Variants in ELMO1 observed in about 807,000 individuals in gnomAD.
ELMO1 encodes the protein engulfment and cell motility protein 1.
A neutral mutation model predicts 98.9 loss-of-function variants in ELMO1; 26 were observed. That is an observed-to-expected ratio of 0.26 (90% confidence interval 0.19 to 0.36). ELMO1 has a LOEUF of 0.36. ELMO1 is among the 10% of genes least tolerant of loss of function. The pLI is 1.00. For missense variants in ELMO1, 627 were observed against 935.2 expected, an observed-to-expected ratio of 0.67 and a Z score of 4.30; for synonymous variants, 346 against 346.0, an observed-to-expected ratio of 1.00 and a Z score of 0.00.
At chr7:37,047,118 C>T (rs575201704) in intron 15 of ELMO1, among the ~76,000 whole-genome samples, 1 of 152,304 alleles carries the variant, frequency 6.6e-6, no homozygotes, top group East Asian at 1.9e-4. Flanking sequence ...AAGAGCTGAA[C>T]CAAAATGAAT....
intron 1 of ELMO1, among the ~76,000 whole-genome samples, chr7:37,420,653 C>T (rs2131530876): frequency 6.6e-6 from 1 of 152,332 alleles, no homozygotes; most frequent in African/African-American, 2.4e-5. Flanking sequence ...CGTGTAACTC[C>T]ACTGACCACT....
chr7:37,026,921 A>G (rs1168403389), intron 15 of ELMO1, among the ~76,000 whole-genome samples: 1 of 151,782 alleles, frequency 6.6e-6, no homozygotes, highest in Non-Finnish European at 1.5e-5. Flanking sequence ...ACATGACTGC[A>G]CTCCCTTCCT....
chr7:37,236,338 C>A (rs950024738), intron 7 of ELMO1, among the ~76,000 whole-genome samples: 1 of 152,278 alleles, frequency 6.6e-6, no homozygotes, highest in South Asian at 2.1e-4. Context: ...TAAGGAGGTG[C>A]AGCACCATTT....
chr7:37,407,529 T>C (rs567057046), intron 1 of ELMO1, among the ~76,000 whole-genome samples: 1 of 146,642 alleles, frequency 6.8e-6, no homozygotes, highest in African/African-American at 2.5e-5. Flanking sequence ...AAAAAGAACA[T>C]GGATGAATCT....
intron 6 of ELMO1, 132 bp downstream of exon 6, chr7:37,259,049 A>C (rs1795841199): frequency 5.5e-6 from 6 of 1,092,810 alleles, no homozygotes; most frequent in Non-Finnish European, 7.4e-6. Context: ...CTATCTTAAA[A>C]ACTATTTTTT....
At chr7:36,958,032 A>G (rs1423412115) in intron 16 of ELMO1, among the ~76,000 whole-genome samples, 1 of 152,188 alleles carries the variant, frequency 6.6e-6, no homozygotes, top group Non-Finnish European at 1.5e-5. Flanking sequence ...GGCTCCAATC[A>G]GTTGCAACCT....
At chr7:37,276,223 A>G (rs1273718074) in intron 4 of ELMO1, among the ~76,000 whole-genome samples, 1 of 152,202 alleles carries the variant, frequency 6.6e-6, no homozygotes, top group East Asian at 1.9e-4. Context: ...TAAAGTCCTT[A>G]AAACAGCCTG....
At chr7:37,395,747 G>A (rs1363973473) in intron 1 of ELMO1, among the ~76,000 whole-genome samples, 1 of 151,916 alleles carries the variant, frequency 6.6e-6, no homozygotes, top group Non-Finnish European at 1.5e-5. Context: ...AAGCACCTCT[G>A]TTACTTCTTA....
At chr7:37,343,010 C>T (rs760310646) in intron 1 of ELMO1, 39 of 292,958 alleles carry the variant, frequency 1.3e-4, no homozygotes, top group Non-Finnish European at 1.1e-4. Flanking sequence ...CTGTGGGGCA[C>T]GGCTTGCGCG....
chr7:37,164,342 T>TTAGATC (rs1402041097), intron 13 of ELMO1, among the ~76,000 whole-genome samples: 19 of 152,110 alleles, frequency 1.2e-4, no homozygotes, highest in Non-Finnish European at 2.5e-4. Context: ...TTTAGTTTAA[T>TTAGATC]TAGATCCCAT....
chr7:37,026,657 T>G (rs889113391), intron 15 of ELMO1, among the ~76,000 whole-genome samples: 1 of 152,190 alleles, frequency 6.6e-6, no homozygotes, highest in Non-Finnish European at 1.5e-5. Flanking sequence ...CCACCCCTGA[T>G]TGCATTTCCA....
rs1793910716 is a variant in ELMO1, at chr7:37,227,041, G to A, written c.550-2011C>T. ...AAAAAAGCCAAAAATTAAAAAGGGGGATTATCAATCTCATTGTCTTCCTAC... is the reference window on the plus strand; with the variant it reads ...AAAAAAGCCAAAAATTAAAAAGGGGAATTATCAATCTCATTGTCTTCCTAC... On this transcript the variant is annotated intron_variant, in intron 8 of 21. Coordinates refer to ENST00000310758, the MANE Select transcript of ELMO1 (RefSeq NM_014800.11). Among the ~76,000 whole-genome samples, 3 of 152,144 alleles carry A rather than the reference G, an allele frequency of 2.0e-5. No homozygotes were observed. In the South Asian group the frequency reaches 6.2e-4, roughly 32 times the overall value.
chr7:36,926,275 G>A (rs1374680203), intron 16 of ELMO1, among the ~76,000 whole-genome samples: 2 of 152,214 alleles, frequency 1.3e-5, no homozygotes, highest in African/African-American at 4.8e-5. Flanking sequence ...TTGTTTTGCA[G>A]GTGAAGAACC....
chr7:37,390,566 G>A (rs1209572455), intron 1 of ELMO1, among the ~76,000 whole-genome samples: 1 of 152,108 alleles, frequency 6.6e-6, no homozygotes, highest in Non-Finnish European at 1.5e-5. Flanking sequence ...AATAGCATGT[G>A]TTTCCAGTAA....
chr7:37,241,949 T>C (rs1314959236), intron 7 of ELMO1, among the ~76,000 whole-genome samples: 1 of 152,206 alleles, frequency 6.6e-6, no homozygotes, highest in African/African-American at 2.4e-5. Context: ...TAGTTTCTGT[T>C]GTTCTTCATA....
At chr7:37,130,642 T>G (rs1296978055) in intron 14 of ELMO1, among the ~76,000 whole-genome samples, 1 of 152,074 alleles carries the variant, frequency 6.6e-6, no homozygotes, top group Non-Finnish European at 1.5e-5. Context: ...GGCAGGCAAG[T>G]TGAACACAGG....
chr7:37,433,229 C>T (rs1309765420), intron 1 of ELMO1, among the ~76,000 whole-genome samples: 1 of 152,208 alleles, frequency 6.6e-6, no homozygotes, highest in Non-Finnish European at 1.5e-5. Context: ...ACACAGTGCT[C>T]ACATACATGG....
intron 16 of ELMO1, among the ~76,000 whole-genome samples, chr7:36,976,914 T>G (rs906558593): frequency 6.6e-6 from 1 of 152,226 alleles, no homozygotes; most frequent in Non-Finnish European, 1.5e-5. Flanking sequence ...GCTATAGATC[T>G]ACCTACAGTT....
chr7:37,233,064 G>A (rs976150603), intron 8 of ELMO1, 31 bp downstream of exon 8: 2 of 1,571,674 alleles, frequency 1.3e-6, no homozygotes, highest in Non-Finnish European at 8.7e-7. Context: ...AAGACAGTAA[G>A]GAAAGCCTAA....
Sources: allele counts gnomAD v4.1 joint callset (sites outside exome capture counted in the v4.1 genomes callset), GRCh38; gene constraint gnomAD v4.1.1; transcripts MANE v1.5; gene names NCBI Gene and HGNC (gene_info 2026-07-23, HGNC 2026-07-21).